Variants in ATP13A5 observed in about 807,000 individuals in gnomAD.
ATP13A5 encodes the protein probable cation-transporting ATPase 13A5.
ATP13A5 carries 149 observed loss-of-function variants against 150.2 expected under a neutral mutation model. The observed-to-expected ratio is 0.99, with a 90% confidence interval of 0.87 to 1.14. The LOEUF is 1.14. Among genes scored for constraint, ATP13A5 ranks in the 50% most tolerant of loss-of-function variants. The pLI, the probability that ATP13A5 is intolerant of heterozygous loss-of-function variation, is 0.00. For missense variants in ATP13A5, 1,383 were observed against 1,449.3 expected (o/e 0.95, Z 0.74); for synonymous variants, 497 against 522.2 (o/e 0.95, Z 0.66).
At chr3:193,344,927 T>G (rs1712275000) in intron 8 of ATP13A5, 76 bp downstream of exon 8, 3 of 1,350,634 alleles carry the variant, frequency 2.2e-6, no homozygotes, top group Non-Finnish European at 3.2e-6. Flanking sequence ...TCTCCTTGAC[T>G]AATAATTAAG....
intron 5 of ATP13A5, among the ~76,000 whole-genome samples, chr3:193,354,769 T>G (rs531280697): frequency 1.3e-5 from 2 of 152,198 alleles, no homozygotes; most frequent in African/African-American, 4.8e-5. Context: ...ACAACAAGAA[T>G]GCATATTTCT....
At chr3:193,282,088 TG>T (rs1369317031) in intron 27 of ATP13A5, among the ~76,000 whole-genome samples, 5 of 151,814 alleles carry the variant, frequency 3.3e-5, no homozygotes, top group African/African-American at 9.7e-5. Context: ...CCCAGCTACT[TG>T]GGAGGCTGAG....
At chr3:193,307,639 A>G (rs1333576446) in intron 21 of ATP13A5, among the ~76,000 whole-genome samples, 1 of 152,220 alleles carries the variant, frequency 6.6e-6, no homozygotes, top group Non-Finnish European at 1.5e-5. Flanking sequence ...ACACTTTAAA[A>G]GAAGTCCTGC....
At chr3:193,367,972 A>AGAGGG (rs1368638516) in intron 1 of ATP13A5, among the ~76,000 whole-genome samples, 3 of 141,252 alleles carry the variant, frequency 2.1e-5, no homozygotes, top group Non-Finnish European at 4.6e-5. Flanking sequence ...AGAGAAAGAA[A>AGAGGG]GAGGGAAGGG....
At position 193,314,121 on chromosome 3, in the gene ATP13A5, A is replaced by G. The variant is rs1257490882; in HGVS notation, c.2231T>C (p.Ile744Thr). Residue 744 changes from isoleucine to threonine, a missense_variant, in exon 19 of 30, where the codon ATT (isoleucine) becomes ACT (threonine). This residue lies in a region of ATP13A5 where 568 missense variants were observed against 621.5 expected (regional missense o/e 0.91). Coordinates refer to ENST00000342358, the MANE Select transcript of ATP13A5 (RefSeq NM_198505.4). ...EMIPPGSQVI[I>T]VEADEPEEFV... ...TTCTTCTGGTTCATCGGCCTCAACA[A>G]TGATCACTTGGCTGCCTGGAGGGAT... 8.1e-6 allele frequency: 13 copies of G among 1,613,818 alleles called. No homozygotes were observed. Among genetic ancestry groups the G allele is most frequent in the Admixed American group, 1.7e-5 (1 of 59,978 alleles).
At chr3:193,275,349 C>T in intron 29 of ATP13A5, 47 bp from the exon 30 acceptor site, 2 of 1,595,318 alleles carry the variant, frequency 1.3e-6, no homozygotes, top group Middle Eastern at 1.7e-4. Flanking sequence ...GCAGGTCCCC[C>T]TGCAGCCAGG....
intron 14 of ATP13A5, 26 bp from the exon 15 acceptor site, chr3:193,322,600 A>G (rs751305401): frequency 3.5e-6 from 5 of 1,440,868 alleles, no homozygotes; most frequent in African/African-American, 2.8e-5. Flanking sequence ...AACATTCATA[A>G]GATTCTTTGA....
At chr3:193,292,692 G>A (rs963370562) in intron 25 of ATP13A5, among the ~76,000 whole-genome samples, 1 of 152,088 alleles carries the variant, frequency 6.6e-6, no homozygotes, top group Non-Finnish European at 1.5e-5. Flanking sequence ...CTACATACTA[G>A]AGCGGACTGG....
At chr3:193,369,333 A>C (rs1448274916) in intron 1 of ATP13A5, among the ~76,000 whole-genome samples, 2 of 151,922 alleles carry the variant, frequency 1.3e-5, no homozygotes, top group African/African-American at 4.8e-5. Flanking sequence ...GAAGAGGCCA[A>C]GCATGGTGGC....
chr3:193,326,647 G>T lies in ATP13A5; in HGVS notation c.1523+349C>A, dbSNP rs568295084. 6.5e-4 allele frequency among the ~76,000 whole-genome samples: 99 copies of T among 152,120 alleles called. 1 individual carries two copies. The highest frequency in any genetic ancestry group is 5.4e-4 in the Non-Finnish European group (37 of 67,996). On this transcript the variant is annotated intron_variant, in intron 13 of 29. Transcript: ENST00000342358. The stretch of plus-strand genomic sequence containing the variant: ...GGGTGTATTTGCACCTTTTTATCCC[G>T]CTAGACTGTGAAACACCACCTGCCT...
intron 28 of ATP13A5, among the ~76,000 whole-genome samples, chr3:193,277,434 A>T (rs776160218): frequency 2.0e-5 from 3 of 152,170 alleles, no homozygotes; most frequent in Non-Finnish European, 4.4e-5. Flanking sequence ...GGCTGCATCC[A>T]TAGCAAAAGG....
At chr3:193,355,928 T>C (rs1222887064) in intron 5 of ATP13A5, among the ~76,000 whole-genome samples, 1 of 152,146 alleles carries the variant, frequency 6.6e-6, no homozygotes, top group African/African-American at 2.4e-5. Flanking sequence ...GATCCGACAA[T>C]CAAGCTTAAT....
Position 193,362,641 on chromosome 3 carries a change from C to T in ATP13A5, c.385-4G>A, listed in dbSNP as rs73888292. 1.9e-3 allele frequency: 3,066 copies of T among 1,613,980 alleles called. 46 individuals are homozygous for T. The African/African-American group carries it at 0.037, about 19-fold the overall frequency. Reference sequence around the variant, plus strand: ...TCTGCACTTCCATGCACCGCAGCTACGATTGCAAATGTGATAGAGCAGGTG... The same window carrying T: ...TCTGCACTTCCATGCACCGCAGCTATGATTGCAAATGTGATAGAGCAGGTG... On this transcript the variant is annotated splice_polypyrimidine_tract_variant and splice_region_variant and intron_variant, in intron 3 of 29. Coordinates refer to ENST00000342358, the MANE Select transcript of ATP13A5 (RefSeq NM_198505.4).
chr3:193,353,533 G>A (rs1325476182), intron 6 of ATP13A5, among the ~76,000 whole-genome samples: 1 of 152,110 alleles, frequency 6.6e-6, no homozygotes. Flanking sequence ...TAAATTCATA[G>A]GTTGAAGCCC....
At chr3:193,341,993 T>A (rs879469107) in intron 9 of ATP13A5, among the ~76,000 whole-genome samples, 2 of 152,224 alleles carry the variant, frequency 1.3e-5, no homozygotes, top group African/African-American at 2.4e-5. Context: ...TGGTCCTTTA[T>A]ATTTGGGAGC....
At chr3:193,371,314 T>C (rs950922500) in intron 1 of ATP13A5, among the ~76,000 whole-genome samples, 4 of 152,230 alleles carry the variant, frequency 2.6e-5, no homozygotes, top group South Asian at 4.1e-4. Context: ...GCATCTATCG[T>C]CTGCTTAAGA....
At chr3:193,292,539 C>T (rs1274349020) in intron 25 of ATP13A5, among the ~76,000 whole-genome samples, 1 of 152,270 alleles carries the variant, frequency 6.6e-6, no homozygotes, top group East Asian at 1.9e-4. Flanking sequence ...AGCATGCTTG[C>T]ACAGCCGGGC....
At chr3:193,365,437 G>A (rs554697006) in intron 1 of ATP13A5, among the ~76,000 whole-genome samples, 4 of 152,130 alleles carry the variant, frequency 2.6e-5, no homozygotes, top group South Asian at 2.1e-4. Context: ...ATTCAAATAA[G>A]GTTTAAGTTA....
intron 7 of ATP13A5, among the ~76,000 whole-genome samples, chr3:193,347,371 TTAAAG>T (rs1712382442): frequency 1.3e-5 from 2 of 150,778 alleles, no homozygotes; most frequent in African/African-American, 4.9e-5. Flanking sequence ...TTGAAAAATG[TTAAAG>T]TAATCTTTTC....
Sources: allele counts gnomAD v4.1 joint callset (sites outside exome capture counted in the v4.1 genomes callset), GRCh38; gene constraint gnomAD v4.1.1; regional missense constraint gnomAD v4.1.1; transcripts MANE v1.5; gene names NCBI Gene and HGNC (gene_info 2026-07-23, HGNC 2026-07-21).